DLG2: variants seen among roughly 807,000 people sequenced by gnomAD.
DLG2 encodes disks large homolog 2.
In DLG2, 45 loss-of-function variants were observed where a neutral mutation model predicts 132.5. The ratio of observed to expected loss-of-function variants is 0.34; its 90% CI spans 0.27 to 0.44. DLG2 has a LOEUF of 0.44. DLG2 is among the 20% of genes least tolerant of loss of function. DLG2 has a pLI of 1.00. For synonymous variants in DLG2, 424 were observed against 419.6 expected (o/e 1.01, Z -0.13); for missense variants, 1,045 against 1,196.9 (o/e 0.87, Z 1.87).
chr11:83,797,681 G>C (rs550301238), intron 17 of DLG2, among the ~76,000 whole-genome samples: 1 of 151,842 alleles, frequency 6.6e-6, no homozygotes, highest in Non-Finnish European at 1.5e-5. Flanking sequence ...ACCATGCCCA[G>C]CTAATTTTAT....
chr11:85,175,160 C>CA (rs1271142881), intron 4 of DLG2, among the ~76,000 whole-genome samples: 1 of 151,864 alleles, frequency 6.6e-6, no homozygotes, highest in Non-Finnish European at 1.5e-5. Flanking sequence ...GGAGATACAA[C>CA]AAAAAAAGAA....
intron 6 of DLG2, among the ~76,000 whole-genome samples, chr11:85,005,431 G>A (rs775681799): frequency 6.6e-6 from 1 of 152,130 alleles, no homozygotes; most frequent in Non-Finnish European, 1.5e-5. Flanking sequence ...TCTCCTTGAA[G>A]AGCTCCTTCA....
chr11:84,348,860 G>A (rs1305304584), intron 7 of DLG2, among the ~76,000 whole-genome samples: 2 of 152,126 alleles, frequency 1.3e-5, no homozygotes, highest in African/African-American at 4.8e-5. Context: ...GCCAAGGAAT[G>A]CCAAGGATTG....
At chr11:84,314,531 C>G (rs531814716) in intron 7 of DLG2, among the ~76,000 whole-genome samples, 156 of 151,970 alleles carry the variant, frequency 1.0e-3, no homozygotes, top group African/African-American at 3.7e-3. Context: ...GGAAACAGAT[C>G]TATAAATATA....
At chr11:85,096,514 C>A (rs2069809676) in intron 6 of DLG2, among the ~76,000 whole-genome samples, 1 of 151,768 alleles carries the variant, frequency 6.6e-6, no homozygotes, top group Non-Finnish European at 1.5e-5. Context: ...AAACTCCAGG[C>A]ACCTCTGAAG....
intron 4 of DLG2, among the ~76,000 whole-genome samples, chr11:85,274,280 G>C (rs2077742974): frequency 6.6e-6 from 1 of 152,154 alleles, no homozygotes; most frequent in African/African-American, 2.4e-5. Context: ...AGGTCGAGCA[G>C]TGCAAGGAAA....
intron 3 of DLG2, among the ~76,000 whole-genome samples, chr11:85,365,182 C>G (rs185329114): frequency 6.6e-6 from 1 of 152,284 alleles, no homozygotes; most frequent in East Asian, 1.9e-4. Flanking sequence ...ACCTTGCTGA[C>G]TCTCAGGAGC....
intron 7 of DLG2, among the ~76,000 whole-genome samples, chr11:84,455,979 G>C (rs576763791): frequency 6.6e-6 from 1 of 151,234 alleles, no homozygotes; most frequent in Non-Finnish European, 1.5e-5. Flanking sequence ...TCACATTAAG[G>C]TTGTGTGTAA....
At position 83,883,294 on chromosome 11, in the gene DLG2, C is replaced by T. The variant is rs147255874; in HGVS notation, c.1497-8806G>A. Among the ~76,000 whole-genome samples, 557 of 152,186 alleles carry T rather than the reference C, an allele frequency of 3.7e-3. 5 individuals carry two copies. The highest frequency in any genetic ancestry group is 0.013 in the African/African-American group (537 of 41,524). On this transcript the variant is annotated intron_variant, in intron 15 of 27. Coordinates refer to ENST00000376104, the MANE Select transcript of DLG2 (RefSeq NM_001142699.3). ...CAATGTCTAAATTGTTCTTTAATTGCTTTAAAATATTTGGCATACCGAATT... is the reference window on the plus strand; with the variant it reads ...CAATGTCTAAATTGTTCTTTAATTGTTTTAAAATATTTGGCATACCGAATT...
intron 3 of DLG2, among the ~76,000 whole-genome samples, chr11:85,321,493 T>C (rs565682825): frequency 6.6e-6 from 1 of 152,082 alleles, no homozygotes; most frequent in African/African-American, 2.4e-5. Context: ...TATGTACAGC[T>C]AGAAAATACA....
chr11:84,650,871 G>A (rs12288982), intron 6 of DLG2, among the ~76,000 whole-genome samples: 39,893 of 120,278 alleles, frequency 0.33, 7,131 homozygotes, highest in South Asian at 0.51. Flanking sequence ...GTGTGTGTGT[G>A]TGTATATATA....
At chr11:84,524,278 C>T (rs758425668) in intron 7 of DLG2, among the ~76,000 whole-genome samples, 6 of 152,208 alleles carry the variant, frequency 3.9e-5, no homozygotes, top group South Asian at 2.1e-4. Context: ...TTTTGAGATG[C>T]TGGTTCAGTC....
chr11:85,281,086 A>G (rs772613120), intron 4 of DLG2, among the ~76,000 whole-genome samples: 31 of 152,038 alleles, frequency 2.0e-4, no homozygotes, highest in Non-Finnish European at 2.5e-4. Context: ...GTGAGCAGCT[A>G]GAATTCTATC....
At chr11:84,438,178 T>C (rs2154476165) in intron 7 of DLG2, among the ~76,000 whole-genome samples, 1 of 152,274 alleles carries the variant, frequency 6.6e-6, no homozygotes. Flanking sequence ...CCCAGCTCCA[T>C]TTGGTCCAAG....
rs1279189364 is a variant in DLG2 at position 83,841,933 on chromosome 11, A to G, written c.1566-8163T>C. On this transcript the variant is annotated intron_variant, in intron 16 of 27. Coordinates refer to ENST00000376104, the MANE Select transcript of DLG2 (RefSeq NM_001142699.3). ...GAAGCCTAGGAAGTGGACAAGTGCT[A>G]TGACAGAAACTTGTGAGCAATAAGC... Among the ~76,000 whole-genome samples the G allele has an allele frequency of 6.6e-5, 10 of 152,234 alleles. No individual in the cohort carries two copies. The South Asian group carries it at 1.7e-3, about 25-fold the overall frequency.
At chr11:83,997,730 C>CAA (rs71066079) in intron 11 of DLG2, among the ~76,000 whole-genome samples, 3 of 24,774 alleles carry the variant, frequency 1.2e-4, no homozygotes, top group African/African-American at 4.5e-4. Flanking sequence ...GACTCCATCT[C>CAA]AAAAAAAAAA....
chr11:85,515,554 A>T (rs1404037485), intron 3 of DLG2, among the ~76,000 whole-genome samples: 1 of 151,964 alleles, frequency 6.6e-6, no homozygotes, highest in Non-Finnish European at 1.5e-5. Flanking sequence ...CTTAATTCAT[A>T]ATACCTTGAA....
chr11:84,761,795 G>T (rs1388364086), intron 6 of DLG2, among the ~76,000 whole-genome samples: 2 of 151,996 alleles, frequency 1.3e-5, no homozygotes, highest in African/African-American at 4.8e-5. Flanking sequence ...GCTTGCAGAG[G>T]GCCTATTCTG....
intron 18 of DLG2, among the ~76,000 whole-genome samples, chr11:83,750,897 A>T (rs1386170467): frequency 6.6e-6 from 1 of 152,212 alleles, no homozygotes; most frequent in African/African-American, 2.4e-5. Context: ...TGCATTTAAC[A>T]AACATTTATT....
Sources: gnomAD v4.1 joint callset for allele counts (sites outside exome capture counted in the v4.1 genomes callset) on GRCh38, gnomAD v4.1.1 for gene constraint, MANE v1.5 for transcripts, NCBI Gene and HGNC (gene_info 2026-07-23, HGNC 2026-07-21) for gene names.